The following ARID4A variants were observed in gnomAD, a reference collection of about 807,000 sequenced individuals.
The protein encoded by ARID4A is AT-rich interaction domain 4A.
ARID4A carries 39 observed loss-of-function variants against 148.6 expected under a neutral mutation model. The ratio of observed to expected loss-of-function variants is 0.26; its 90% confidence interval spans 0.20 to 0.34. The LOEUF is 0.34. ARID4A is among the 10% of genes least tolerant of loss of function. The pLI is 1.00. For missense variants in ARID4A, 1,265 were observed against 1,449.1 expected, an observed-to-expected ratio of 0.87 and a Z score of 2.06; for synonymous variants, 475 against 481.2, an observed-to-expected ratio of 0.99 and a Z score of 0.17.
intron 17 of ARID4A, among the ~76,000 whole-genome samples, chr14:58,354,255 C>A (rs1310321775): frequency 3.3e-5 from 5 of 152,166 alleles, no homozygotes; most frequent in African/African-American, 1.2e-4. Context: ...CCTGCAACTT[C>A]CAACCGTGCA....
intron 11 of ARID4A, among the ~76,000 whole-genome samples, chr14:58,343,779 G>A (rs2034225114): frequency 6.6e-6 from 1 of 151,542 alleles, no homozygotes; most frequent in Non-Finnish European, 1.5e-5. Context: ...GCAGTGAGCC[G>A]AGGTCGTGCC....
At chr14:58,329,418 G>T in intron 9 of ARID4A, 110 bp from the exon 10 acceptor site, 1 of 711,008 alleles carries the variant, frequency 1.4e-6, no homozygotes, top group Non-Finnish European at 2.4e-6. Context: ...ACATTTTATA[G>T]ACAATATTTT....
intron 11 of ARID4A, chr14:58,331,388 C>T (rs1015382194): frequency 3.9e-5 from 6 of 152,130 alleles, no homozygotes; most frequent in African/African-American, 1.2e-4. Flanking sequence ...GCTGTATAAC[C>T]CTGCGGATGC....
chr14:58,361,665 C>A (rs1214732370), intron 19 of ARID4A, among the ~76,000 whole-genome samples: 1 of 152,180 alleles, frequency 6.6e-6, no homozygotes, highest in Non-Finnish European at 1.5e-5. Context: ...CAAAAACAAA[C>A]AGCAGGCTTT....
Position 58,364,493 on chromosome 14 carries a change from C to G in ARID4A, c.2404C>G (p.Leu802Val). The G allele has an allele frequency of 6.2e-7, 1 of 1,612,328 alleles. No homozygotes were observed. Among genetic ancestry groups the G allele is most frequent in the Non-Finnish European group, 8.5e-7 (1 of 1,179,710 alleles). ...GKGRRSKTKDLSLEIIKISSF... is the reference protein window; with the variant it reads ...GKGRRSKTKDVSLEIIKISSF... The stretch of plus-strand genomic sequence containing the variant: ...GGGAAGACGAAGCAAGACAAAAGAT[C>G]TTTCTTTAGAAATTATAAAGATTTC... The change falls in exon 20 of 24, where the codon CTT (leucine) becomes GTT (valine). Residue 802 changes from leucine to valine, a missense_variant. Transcript: ENST00000355431.
intron 18 of ARID4A, among the ~76,000 whole-genome samples, chr14:58,360,549 G>GAAC (rs908291394): frequency 1.3e-5 from 2 of 152,178 alleles, no homozygotes; most frequent in Non-Finnish European, 2.9e-5. Flanking sequence ...GGATAGTAGG[G>GAAC]AACAGCGGGG....
intron 22 of ARID4A, 61 bp downstream of exon 22, chr14:58,366,291 A>G (rs2035358280): frequency 3.2e-6 from 4 of 1,240,904 alleles, no homozygotes; most frequent in Admixed American, 4.0e-5. Context: ...ATCTTAAAAT[A>G]TCAACTTGGA....
intron 23 of ARID4A, among the ~76,000 whole-genome samples, chr14:58,370,675 G>A (rs1031816036): frequency 3.3e-5 from 5 of 151,348 alleles, no homozygotes; most frequent in Admixed American, 2.6e-4. Context: ...GCAGTGGCAT[G>A]ATCACGGCTT....
intron 18 of ARID4A, 133 bp from the exon 19 acceptor site, chr14:58,360,767 TC>T (rs2035099075): frequency 1.1e-6 from 1 of 910,664 alleles, no homozygotes; most frequent in African/African-American, 1.7e-5. Context: ...TCTTGATTCT[TC>T]TGTAAGCACA....
chr14:58,300,074 T>TG (rs1382831281), intron 2 of ARID4A, among the ~76,000 whole-genome samples: 13 of 152,258 alleles, frequency 8.5e-5, no homozygotes, highest in Non-Finnish European at 1.9e-4. Flanking sequence ...TTGGAAAGGC[T>TG]GGTGCAGCCT....
chr14:58,354,095 G>C (rs1418128132), intron 17 of ARID4A, among the ~76,000 whole-genome samples: 1 of 152,152 alleles, frequency 6.6e-6, no homozygotes, highest in Non-Finnish European at 1.5e-5. Context: ...CTCATTTATA[G>C]TGAGGGAGAA....
chr14:58,299,850 C>A lies in ARID4A; in HGVS notation c.-5C>A, dbSNP rs370174907. The A allele has an allele frequency of 5.6e-6, 9 of 1,614,088 alleles. No individual in the cohort carries two copies. In the African/African-American group the frequency reaches 1.2e-4, roughly 22 times the overall value. On this transcript the variant is annotated 5_prime_UTR_variant, in exon 2 of 24. Coordinates refer to ENST00000355431, the MANE Select transcript of ARID4A (RefSeq NM_002892.4). Reference sequence around the variant, plus strand: ...GAGCTGGAACCCCACAGATCACCAACAAAAATGAAGGTAAGTGGAGTCAAC... The same window carrying A: ...GAGCTGGAACCCCACAGATCACCAAAAAAAATGAAGGTAAGTGGAGTCAAC...
intron 5 of ARID4A, among the ~76,000 whole-genome samples, chr14:58,313,674 C>G (rs1469687668): frequency 2.0e-5 from 3 of 152,162 alleles, no homozygotes; most frequent in African/African-American, 4.8e-5. Flanking sequence ...CTATCCAAGT[C>G]AGAAAGCCTT....
intron 5 of ARID4A, among the ~76,000 whole-genome samples, chr14:58,317,302 T>G (rs905444108): frequency 2.2e-4 from 33 of 150,088 alleles, no homozygotes; most frequent in East Asian, 9.8e-4. Context: ...TTTTTTTTTT[T>G]GGGACGGAGT....
At chr14:58,313,361 A>G (rs1276432624) in intron 5 of ARID4A, among the ~76,000 whole-genome samples, 1 of 152,184 alleles carries the variant, frequency 6.6e-6, no homozygotes, top group Non-Finnish European at 1.5e-5. Flanking sequence ...AGCATCTCAT[A>G]AGGAATGCAC....
At chr14:58,333,737 T>G (rs1449261356) in intron 11 of ARID4A, among the ~76,000 whole-genome samples, 2 of 152,144 alleles carry the variant, frequency 1.3e-5, no homozygotes, top group Non-Finnish European at 2.9e-5. Context: ...TTTGTGCATA[T>G]TTATGCCTTG....
At chr14:58,368,517 G>A (rs541558393) in intron 23 of ARID4A, among the ~76,000 whole-genome samples, 1 of 151,670 alleles carries the variant, frequency 6.6e-6, no homozygotes, top group East Asian at 1.9e-4. Flanking sequence ...CCTACATAAA[G>A]GCAGAAGCCA....
chr14:58,371,963 A>C lies in ARID4A; in HGVS notation c.3748A>C (p.Asn1250His), dbSNP rs2035635049. Residue 1250 changes from asparagine to histidine, a missense_variant, in exon 24 of 24, where the codon AAT (asparagine) becomes CAT (histidine). Physicochemically the swap from Asn to His is moderately conservative, Grantham distance 68. This residue lies in a region of ARID4A where 666 missense variants were observed against 730.9 expected (regional missense o/e 0.91). Coordinates refer to ENST00000355431, the MANE Select transcript of ARID4A (RefSeq NM_002892.4). ...MSPSSSSPPQ[N>H]VLAVECR ...TCCCTCATCATCATCTCCCCCACAAAATGTACTTGCTGTAGAATGCAGGTG... is the reference window on the plus strand; with the variant it reads ...TCCCTCATCATCATCTCCCCCACAACATGTACTTGCTGTAGAATGCAGGTG... 1 of 1,610,488 alleles carries C rather than the reference A, an allele frequency of 6.2e-7. No homozygotes were observed. The highest frequency in any genetic ancestry group is 1.3e-5 in the African/African-American group (1 of 74,814).
At chr14:58,306,197 G>T in intron 5 of ARID4A, 85 bp downstream of exon 5, 1 of 961,712 alleles carries the variant, frequency 1.0e-6, no homozygotes, top group Non-Finnish European at 1.7e-6. Context: ...CATTGTGTTG[G>T]TGGAGAAATA....
Sources: allele counts gnomAD v4.1 joint callset (sites outside exome capture counted in the v4.1 genomes callset), GRCh38; gene constraint gnomAD v4.1.1; regional missense constraint gnomAD v4.1.1; transcripts MANE v1.5; gene names NCBI Gene and HGNC (gene_info 2026-07-23, HGNC 2026-07-21).